Variants in CNOT10 observed in about 807,000 individuals in gnomAD.
CNOT10 encodes CCR4-NOT transcription complex subunit 10.
Under a neutral mutation model 94.6 loss-of-function variants are expected in CNOT10, and 30 were observed. The observed-to-expected ratio is 0.32, with a 90% CI of 0.24 to 0.43. The LOEUF (loss-of-function observed/expected upper bound fraction) is 0.43, where lower values mean the gene tolerates loss of function less well. Among genes scored for constraint, CNOT10 ranks in the 20% least tolerant of loss-of-function variants. The pLI, the probability that CNOT10 is intolerant of heterozygous loss-of-function variation, is 1.00. For synonymous variants in CNOT10, 289 were observed against 301.6 expected (o/e 0.96, Z 0.43); for missense variants, 759 against 877.2 (o/e 0.87, Z 1.70).
At chr3:32,723,769 A>T (rs1013473427) in intron 8 of CNOT10, among the ~76,000 whole-genome samples, 1 of 152,130 alleles carries the variant, frequency 6.6e-6, no homozygotes, top group African/African-American at 2.4e-5. Context: ...CCAACAGAAA[A>T]AACATCTGTA....
At chr3:32,716,913 T>A (rs1436626724) in intron 6 of CNOT10, among the ~76,000 whole-genome samples, 1 of 152,196 alleles carries the variant, frequency 6.6e-6, no homozygotes, top group Non-Finnish European at 1.5e-5. Context: ...GCCTCCAAAG[T>A]ACTGGGATTA....
chr3:32,732,401 C>G (rs997869723), intron 10 of CNOT10, among the ~76,000 whole-genome samples: 1 of 151,744 alleles, frequency 6.6e-6, no homozygotes, highest in Non-Finnish European at 1.5e-5. Flanking sequence ...CTTGGCAAAA[C>G]CCTGTCTCTA....
At chr3:32,723,026 T>C (rs1305539905) in intron 8 of CNOT10, among the ~76,000 whole-genome samples, 2 of 152,190 alleles carry the variant, frequency 1.3e-5, no homozygotes, top group Non-Finnish European at 2.9e-5. Flanking sequence ...TGATTATTAA[T>C]TTTGTCATTC....
chr3:32,701,643 A>AC (rs1697353876), intron 1 of CNOT10, among the ~76,000 whole-genome samples: 1 of 152,114 alleles, frequency 6.6e-6, no homozygotes, highest in Non-Finnish European at 1.5e-5. Flanking sequence ...TCTTCTGCTG[A>AC]CCATGTGAAG....
chr3:32,770,148 A>C (rs1298714014), intron 18 of CNOT10, among the ~76,000 whole-genome samples, 186 bp downstream of exon 18: 1 of 151,726 alleles, frequency 6.6e-6, no homozygotes, highest in East Asian at 1.9e-4. Context: ...CTGGGACTAC[A>C]GGTGCACGCC....
At chr3:32,701,064 C>T (rs1248975722) in intron 1 of CNOT10, among the ~76,000 whole-genome samples, 2 of 152,032 alleles carry the variant, frequency 1.3e-5, no homozygotes, top group Non-Finnish European at 2.9e-5. Context: ...CCTGGGAGGT[C>T]AGAAGTTTGA....
chr3:32,738,760 C>A (rs764375922), intron 13 of CNOT10, among the ~76,000 whole-genome samples: 4 of 152,060 alleles, frequency 2.6e-5, no homozygotes, highest in Non-Finnish European at 5.9e-5. Flanking sequence ...CAGCATCCGG[C>A]CTGTATTTCA....
chr3:32,724,566 C>T (rs941616541), intron 8 of CNOT10, among the ~76,000 whole-genome samples: 38 of 152,220 alleles, frequency 2.5e-4, no homozygotes, highest in African/African-American at 7.0e-4. Flanking sequence ...GCGCCCGCCA[C>T]CACGCCCGGC....
At chr3:32,698,197 C>T (rs1480841132) in intron 1 of CNOT10, among the ~76,000 whole-genome samples, 1 of 152,202 alleles carries the variant, frequency 6.6e-6, no homozygotes, top group Admixed American at 6.5e-5. Context: ...AACTGGCAAA[C>T]TTTATTCACT....
chr3:32,769,273 A>G (rs1700795223), intron 17 of CNOT10: 1 of 152,572 alleles, frequency 6.6e-6, no homozygotes. Flanking sequence ...CTGAGGAAAT[A>G]AACCTGTAAT....
chr3:32,745,060 G>T (rs1699632830), intron 13 of CNOT10, among the ~76,000 whole-genome samples: 1 of 151,888 alleles, frequency 6.6e-6, no homozygotes, highest in Non-Finnish European at 1.5e-5. Context: ...TGTATTATTA[G>T]TAGAGACGGG....
chr3:32,712,355 A>G (rs918439277), intron 4 of CNOT10, among the ~76,000 whole-genome samples: 4 of 152,168 alleles, frequency 2.6e-5, no homozygotes, highest in Non-Finnish European at 5.9e-5. Flanking sequence ...CAGAGACCAC[A>G]CATACCTAGT....
At chr3:32,753,293 G>C in intron 13 of CNOT10, 1 of 896,522 alleles carries the variant, frequency 1.1e-6, no homozygotes, top group East Asian at 2.4e-5. Context: ...GAATGGCCCA[G>C]AATCTGATGT....
intron 1 of CNOT10, 72 bp from the exon 2 acceptor site, chr3:32,703,795 AG>A: frequency 9.9e-7 from 1 of 1,009,178 alleles, no homozygotes; most frequent in East Asian, 2.4e-5. Context: ...AACTGCAGAA[AG>A]TGAAACTGGA....
chr3:32,767,666 A>G (rs1700710559), intron 17 of CNOT10, among the ~76,000 whole-genome samples: 1 of 152,092 alleles, frequency 6.6e-6, no homozygotes, highest in Non-Finnish European at 1.5e-5. Flanking sequence ...TCTGGTCAGC[A>G]TTTCTGATCC....
At chr3:32,695,171 A>G (rs564284524) in intron 1 of CNOT10, among the ~76,000 whole-genome samples, 3 of 152,282 alleles carry the variant, frequency 2.0e-5, no homozygotes, top group Admixed American at 2.0e-4. Context: ...CCTCTTGTCC[A>G]GTGGAGGGAA....
At chr3:32,718,381 G>A (rs978690641) in intron 7 of CNOT10, among the ~76,000 whole-genome samples, 3 of 148,362 alleles carry the variant, frequency 2.0e-5, no homozygotes, top group Admixed American at 6.8e-5. Flanking sequence ...TCAGGAGATC[G>A]AGACCATCCT....
intron 13 of CNOT10, among the ~76,000 whole-genome samples, chr3:32,752,005 C>A (rs1025054793): frequency 2.6e-5 from 4 of 152,108 alleles, no homozygotes; most frequent in African/African-American, 9.7e-5. Flanking sequence ...TAAAATAATT[C>A]TTCAGGCCAG....
intron 13 of CNOT10, among the ~76,000 whole-genome samples, chr3:32,754,857 A>G (rs1394069565): frequency 6.6e-6 from 1 of 150,664 alleles, no homozygotes; most frequent in Non-Finnish European, 1.5e-5. Context: ...TACTCTGGGC[A>G]TACTGCCTGT....
Sources: allele counts gnomAD v4.1 joint callset (sites outside exome capture counted in the v4.1 genomes callset), GRCh38; gene constraint gnomAD v4.1.1; transcripts MANE v1.5; gene names NCBI Gene and HGNC (gene_info 2026-07-23, HGNC 2026-07-21).